The following DTL variants were observed in gnomAD, a reference collection of about 807,000 sequenced individuals.
DTL encodes denticleless E3 ubiquitin protein ligase adapter.
A neutral mutation model predicts 87.0 loss-of-function variants in DTL; 46 were observed. That is an observed-to-expected ratio of 0.53 (90% CI 0.42 to 0.68). DTL has a LOEUF of 0.68. DTL is among the 30% of genes least tolerant of loss of function. The pLI is 0.00. For synonymous variants in DTL, 308 were observed against 311.2 expected (o/e 0.99, Z 0.11); for missense variants, 737 against 869.4 (o/e 0.85, Z 1.91).
chr1:212,040,412 A>C (rs1186275239), intron 1 of DTL, among the ~76,000 whole-genome samples: 3 of 152,228 alleles, frequency 2.0e-5, no homozygotes, highest in Non-Finnish European at 4.4e-5. Flanking sequence ...GTTTTTTACT[A>C]TACAGACACA....
rs546741569 is a variant in DTL, at chr1:212,051,650, G to A, written c.460+4233G>A. On this transcript the variant is annotated intron_variant, in intron 5 of 14. Transcript: ENST00000366991. ...GTTGAACCCAGGTACCTTTCTCTTTGGCTTCTTTCTTTTTCTGATCATTTT... is the reference window on the plus strand; with the variant it reads ...GTTGAACCCAGGTACCTTTCTCTTTAGCTTCTTTCTTTTTCTGATCATTTT... 7.0e-6 allele frequency: 6 copies of A among 853,906 alleles called. No individual in the cohort carries two copies. In the South Asian group the frequency reaches 8.3e-5, roughly 12 times the overall value. The allele number at this position is 853,906 out of a possible 1,614,324, so 52.9% of individuals were successfully genotyped here.
intron 5 of DTL, chr1:212,051,439 A>ATTTTTTTTTTTT: frequency 3.5e-6 from 1 of 289,776 alleles, no homozygotes; most frequent in Non-Finnish European, 5.7e-6. Context: ...TGGATATGAA[A>ATTTTTTTTTTTT]TTCTTTTTTT....
At chr1:212,078,461 C>T (rs1654899598) in intron 12 of DTL, among the ~76,000 whole-genome samples, 199 bp downstream of exon 12, 1 of 152,032 alleles carries the variant, frequency 6.6e-6, no homozygotes, top group Non-Finnish European at 1.5e-5. Context: ...GTATTATGCC[C>T]TGTGAAATAA....
At chr1:212,071,477 CCA>C (rs1243446680) in intron 10 of DTL, among the ~76,000 whole-genome samples, 1 of 152,126 alleles carries the variant, frequency 6.6e-6, no homozygotes, top group Non-Finnish European at 1.5e-5. Flanking sequence ...ACAGTTTACT[CCA>C]CTAGCTCTTC....
chr1:212,072,054 A>G (rs1296718927), intron 10 of DTL, 47 bp from the exon 11 acceptor site: 1 of 1,347,206 alleles, frequency 7.4e-7, no homozygotes, highest in Non-Finnish European at 1.1e-6. Flanking sequence ...CCATTTGACC[A>G]CTAGAAATAA....
At chr1:212,060,734 C>CAAAAAAAAAAAAAAAAAA (rs36050858) in intron 5 of DTL, among the ~76,000 whole-genome samples, 1 of 90,588 alleles carries the variant, frequency 1.1e-5, no homozygotes, top group African/African-American at 4.4e-5. Context: ...GACTCAGTCT[C>CAAAAAAAAAAAAAAAAAA]AAAAAAAAAA....
intron 11 of DTL, among the ~76,000 whole-genome samples, chr1:212,073,498 A>T (rs1271149885): frequency 2.6e-5 from 4 of 151,998 alleles, no homozygotes. Context: ...AATATTGCTA[A>T]TTTTTTTTAG....
Position 212,048,780 on chromosome 1 carries a change from T to C in DTL, c.460+1363T>C, listed in dbSNP as rs1389129217. Reference sequence around the variant, plus strand: ...TAATCTGACTTTAATCTCTGAATAATAGTGACAGACATTACAATCTCCTTT... The same window carrying C: ...TAATCTGACTTTAATCTCTGAATAACAGTGACAGACATTACAATCTCCTTT... On this transcript the variant is annotated intron_variant, in intron 5 of 14. Coordinates refer to ENST00000366991, the MANE Select transcript of DTL (RefSeq NM_016448.4). Among the ~76,000 whole-genome samples, 5 of 151,762 alleles carry C rather than the reference T, an allele frequency of 3.3e-5. No homozygotes were observed. In the East Asian group the frequency reaches 7.8e-4, roughly 24 times the overall value.
At chr1:212,066,289 G>A (rs905052619) in intron 7 of DTL, among the ~76,000 whole-genome samples, 10 of 152,152 alleles carry the variant, frequency 6.6e-5, no homozygotes, top group Admixed American at 1.3e-4. Context: ...GAGGCCATAT[G>A]AAGTTAAAAC....
Position 212,100,918 on chromosome 1 carries a change from G to T in DTL, c.1928G>T (p.Cys643Phe), listed in dbSNP as rs781511295. 49 of 1,614,068 alleles carry T rather than the reference G, an allele frequency of 3.0e-5. No individual in the cohort carries two copies. Among genetic ancestry groups the T allele is most frequent in the Non-Finnish European group, 4.1e-5 (48 of 1,180,028 alleles). The change falls in exon 14 of 15, where the codon TGT (cysteine) becomes TTT (phenylalanine). Residue 643 changes from cysteine (C) to phenylalanine (F), a missense_variant. By Grantham distance (205) the Cys-to-Phe change is radical. Transcript: ENST00000366991. ...CGTLPLPLRP[C>F]GEGSEMVGKE... Reference sequence around the variant, plus strand: ...ACGCTACCTCTTCCTTTGAGACCTTGTGGAGAAGGGTCTGAAATGGTAGGC... The same window carrying T: ...ACGCTACCTCTTCCTTTGAGACCTTTTGGAGAAGGGTCTGAAATGGTAGGC...
intron 3 of DTL, among the ~76,000 whole-genome samples, chr1:212,046,758 CATGT>C (rs1446135697): frequency 6.6e-6 from 1 of 152,148 alleles, no homozygotes; most frequent in Admixed American, 6.5e-5. Flanking sequence ...CATATGCATG[CATGT>C]ATCTTTATAA....
At chr1:212,053,647 G>T (rs975989834) in intron 5 of DTL, among the ~76,000 whole-genome samples, 6 of 152,030 alleles carry the variant, frequency 3.9e-5, no homozygotes, top group African/African-American at 1.5e-4. Flanking sequence ...GAGTGCAGTG[G>T]CGAAATCTGC....
chr1:212,098,381 G>C (rs1450155105), intron 13 of DTL, among the ~76,000 whole-genome samples: 1 of 152,196 alleles, frequency 6.6e-6, no homozygotes, highest in African/African-American at 2.4e-5. Context: ...ACTTTCAAGA[G>C]AGTATCAACT....
chr1:212,052,400 G>T (rs940542981), intron 5 of DTL, among the ~76,000 whole-genome samples: 1 of 152,086 alleles, frequency 6.6e-6, no homozygotes, highest in African/African-American at 2.4e-5. Context: ...ACTTTGAGAG[G>T]CTGAGGCAGG....
At chr1:212,096,008 T>C (rs1488515781) in intron 13 of DTL, among the ~76,000 whole-genome samples, 1 of 152,172 alleles carries the variant, frequency 6.6e-6, no homozygotes, top group African/African-American at 2.4e-5. Flanking sequence ...CTGGACTTTT[T>C]CTTCTTGGCA....
At position 212,035,777 on chromosome 1, in the gene DTL, G is replaced by T; in HGVS notation, c.-114G>T. 2.0e-6 allele frequency: 2 copies of T among 984,458 alleles called. No homozygotes were observed. The highest frequency in any genetic ancestry group is 3.1e-6 in the Non-Finnish European group (2 of 647,404). 61.0% of individuals were successfully genotyped at this position (984,458 alleles called of 1,614,324 possible). ...TTTGGCGGCCGGGGCTTACAGTGGCGGGAGTTGGAGGCGATAACGATTTGT... is the reference window on the plus strand; with the variant it reads ...TTTGGCGGCCGGGGCTTACAGTGGCTGGAGTTGGAGGCGATAACGATTTGT... On this transcript the variant is annotated 5_prime_UTR_variant, in exon 1 of 15. Transcript: ENST00000366991.
intron 7 of DTL, among the ~76,000 whole-genome samples, chr1:212,066,420 A>T (rs139048577): frequency 2.4e-4 from 36 of 152,294 alleles, no homozygotes; most frequent in African/African-American, 8.4e-4. Context: ...TTTTATTCAT[A>T]ATTCTTTTGA....
At chr1:212,101,916 G>A (rs1655635715) in intron 14 of DTL, among the ~76,000 whole-genome samples, 1 of 152,208 alleles carries the variant, frequency 6.6e-6, no homozygotes, top group South Asian at 2.1e-4. Flanking sequence ...AAAAGCTTCT[G>A]TTGTTTGCAT....
chr1:212,063,696 A>C (rs1654404568), intron 6 of DTL, among the ~76,000 whole-genome samples: 1 of 152,164 alleles, frequency 6.6e-6, no homozygotes, highest in South Asian at 2.1e-4. Context: ...TAATTTATTA[A>C]AATTTTTTTT....
Sources: allele counts gnomAD v4.1 joint callset (sites outside exome capture counted in the v4.1 genomes callset), GRCh38; gene constraint gnomAD v4.1.1; transcripts MANE v1.5; gene names NCBI Gene and HGNC (gene_info 2026-07-23, HGNC 2026-07-21).